The following PCDH9 variants were observed in gnomAD, a reference collection of about 807,000 sequenced individuals.
PCDH9 encodes protocadherin-9.
In PCDH9, 24 loss-of-function variants were observed where a neutral mutation model predicts 70.6. That is an observed-to-expected ratio of 0.34 (90% CI 0.25 to 0.48). PCDH9 has a LOEUF of 0.48. PCDH9 is among the 20% of genes least tolerant of loss of function. PCDH9 has a pLI of 0.99. For missense variants in PCDH9, 1,281 were observed against 1,503.6 expected (o/e 0.85, Z 2.45); for synonymous variants, 562 against 558.5 (o/e 1.01, Z -0.09).
chr13:67,206,273 C>A (rs1408578692), intron 2 of PCDH9: 2 of 152,544 alleles, frequency 1.3e-5, no homozygotes, highest in South Asian at 4.1e-4. Context: ...TCAAGCGATT[C>A]TTCTGCCTCA....
chr13:66,738,131 G>A (rs1280436038), intron 3 of PCDH9, among the ~76,000 whole-genome samples: 2 of 152,140 alleles, frequency 1.3e-5, no homozygotes, highest in African/African-American at 4.8e-5. Context: ...CTCCCAGCAC[G>A]CAGCTGGAGA....
chr13:66,802,496 T>C (rs1324247042), intron 3 of PCDH9, among the ~76,000 whole-genome samples: 3 of 152,112 alleles, frequency 2.0e-5, no homozygotes, highest in Non-Finnish European at 4.4e-5. Flanking sequence ...CATTTTGTAC[T>C]GCATATTTCT....
intron 2 of PCDH9, among the ~76,000 whole-genome samples, chr13:67,132,721 T>C (rs890305309): frequency 6.6e-6 from 1 of 152,112 alleles, no homozygotes; most frequent in Non-Finnish European, 1.5e-5. Context: ...TTTTTATGAC[T>C]ACAGATATGG....
At chr13:66,629,834 G>A (rs940906102) in intron 4 of PCDH9, among the ~76,000 whole-genome samples, 8 of 152,106 alleles carry the variant, frequency 5.3e-5, no homozygotes, top group Non-Finnish European at 7.4e-5. Context: ...GGGACATGCT[G>A]GGGATTGGAA....
At chr13:67,018,709 G>A (rs1268768281) in intron 2 of PCDH9, among the ~76,000 whole-genome samples, 1 of 151,226 alleles carries the variant, frequency 6.6e-6, no homozygotes, top group East Asian at 1.9e-4. Context: ...CTCCCAGAAA[G>A]AAACAAACAA....
rs959337984 is a variant in PCDH9 at position 67,141,160 on chromosome 13, C to G, written c.3036+84245G>C. ...CATTTTGTTTGGAATTCCAAAAAGC[C>G]TTACGATAGACAAAAATAAAACGAG... On this transcript the variant is annotated intron_variant, in intron 2 of 4. Transcript: ENST00000377865. Among the ~76,000 whole-genome samples, 3 of 152,142 alleles carry G rather than the reference C, an allele frequency of 2.0e-5. No individual in the cohort carries two copies. In the South Asian group the frequency reaches 6.2e-4, roughly 32 times the overall value.
intron 4 of PCDH9, among the ~76,000 whole-genome samples, chr13:66,568,512 CA>C (rs34215376): frequency 1.1e-3 from 116 of 108,028 alleles, no homozygotes; most frequent in Admixed American, 2.1e-3. Flanking sequence ...TGAGACTTTA[CA>C]AAAAAAAAAA....
At chr13:66,349,647 C>G (rs372977750) in intron 4 of PCDH9, among the ~76,000 whole-genome samples, 23 of 152,188 alleles carry the variant, frequency 1.5e-4, no homozygotes, top group African/African-American at 4.3e-4. Flanking sequence ...CAATAGGAGA[C>G]AGCACTGAAG....
intron 2 of PCDH9, among the ~76,000 whole-genome samples, chr13:67,072,465 G>A (rs2085786525): frequency 6.6e-6 from 1 of 151,886 alleles, no homozygotes; most frequent in Non-Finnish European, 1.5e-5. Flanking sequence ...GTTTTCCTTG[G>A]GCCTTTGGGT....
At chr13:66,418,368 T>A (rs1412716104) in intron 4 of PCDH9, among the ~76,000 whole-genome samples, 1 of 152,196 alleles carries the variant, frequency 6.6e-6, no homozygotes, top group Admixed American at 6.5e-5. Flanking sequence ...TCTACATATC[T>A]CTTTTGGTAC....
chr13:66,764,356 G>A (rs938598351), intron 3 of PCDH9, among the ~76,000 whole-genome samples: 3 of 151,750 alleles, frequency 2.0e-5, no homozygotes, highest in Non-Finnish European at 4.4e-5. Context: ...CCCAGGCAAC[G>A]AAGAGCTTGT....
At chr13:66,824,454 G>A (rs1246987508) in intron 3 of PCDH9, among the ~76,000 whole-genome samples, 5 of 148,838 alleles carry the variant, frequency 3.4e-5, no homozygotes, top group Admixed American at 3.3e-4. Context: ...TCAGGAGTTT[G>A]AGACCAGCCT....
intron 3 of PCDH9, among the ~76,000 whole-genome samples, chr13:66,764,424 T>G (rs1288250285): frequency 6.6e-6 from 1 of 151,962 alleles, no homozygotes; most frequent in East Asian, 1.9e-4. Flanking sequence ...CATTTGCGTG[T>G]AAAACTTTCT....
rs563528726 is a variant in PCDH9, at chr13:66,375,912, A to T, written c.3341-70884T>A. 2.0e-5 allele frequency among the ~76,000 whole-genome samples: 3 copies of T among 152,210 alleles called. No homozygotes were observed. In the East Asian group the frequency reaches 5.8e-4, roughly 29 times the overall value. On this transcript the variant is annotated intron_variant, in intron 4 of 4. Coordinates refer to ENST00000377865, the MANE Select transcript of PCDH9 (RefSeq NM_203487.3). ...TAAAGCAAAAAACAACAACAAAAAA[A>T]TAGGCTTCAGTTCTCCTCTGTGAGT...
intron 2 of PCDH9, among the ~76,000 whole-genome samples, chr13:67,092,082 T>G (rs1341415465): frequency 1.3e-5 from 2 of 152,168 alleles, no homozygotes; most frequent in Non-Finnish European, 2.9e-5. Context: ...TGACTTGATA[T>G]TCTATGCTAA....
chr13:66,779,895 G>GTGTGTGTT (rs1555268256), intron 3 of PCDH9, among the ~76,000 whole-genome samples: 8 of 147,272 alleles, frequency 5.4e-5, no homozygotes, highest in African/African-American at 1.8e-4. Flanking sequence ...GTGTGTGTGT[G>GTGTGTGTT]TGTGTGTCCG....
intron 4 of PCDH9, among the ~76,000 whole-genome samples, chr13:66,578,619 A>G (rs1297775272): frequency 6.6e-6 from 1 of 152,086 alleles, no homozygotes; most frequent in Non-Finnish European, 1.5e-5. Flanking sequence ...CAAAGAAAAG[A>G]ACAAATGTAC....
Position 67,227,141 on chromosome 13 carries a change from C to T in PCDH9, c.1300G>A (p.Glu434Lys). 1 of 1,613,934 alleles carries T rather than the reference C, an allele frequency of 6.2e-7. No individual in the cohort carries two copies. The highest frequency in any genetic ancestry group is 8.5e-7 in the Non-Finnish European group (1 of 1,179,832). Residue 434 changes from glutamate (E) to lysine (K), a missense_variant, in exon 2 of 5, where the codon GAA becomes AAA. Glu to Lys is a moderately conservative substitution (Grantham distance 56). This residue lies in a region of PCDH9 where 798 missense variants were observed against 1,003.1 expected (regional missense o/e 0.80). Coordinates refer to ENST00000377865, the MANE Select transcript of PCDH9 (RefSeq NM_203487.3). This position sits in a 1 kb window ranked among gnomAD's most constrained non-coding sequence, Gnocchi z 4.6. Reference protein sequence around the residue: ...SSLLDYEGTKEFSFKIVASDS... With the variant: ...SSLLDYEGTKKFSFKIVASDS... ...GAGGCAACAATTTTAAAGCTGAATT[C>T]TTTGGTGCCCTCATAGTCCAACAAA... is the stretch of plus-strand genomic sequence containing the variant.
chr13:66,462,374 GAAGT>G (rs1273745126), intron 4 of PCDH9, among the ~76,000 whole-genome samples: 3 of 151,852 alleles, frequency 2.0e-5, no homozygotes, highest in African/African-American at 7.2e-5. Flanking sequence ...CAGAAATAAG[GAAGT>G]CAGGAAGAGA....
Sources: gnomAD v4.1 joint callset for allele counts (sites outside exome capture counted in the v4.1 genomes callset) on GRCh38, gnomAD v4.1.1 for gene constraint, gnomAD v4.1.1 regional missense constraint, Gnocchi (gnomAD v3.1) non-coding constraint, MANE v1.5 for transcripts, NCBI Gene and HGNC (gene_info 2026-07-23, HGNC 2026-07-21) for gene names.